The following ATP6V1A variants were observed in gnomAD, a reference collection of about 807,000 sequenced individuals.
ATP6V1A encodes the protein ATPase H+ transporting V1 subunit A.
In ATP6V1A, 18 loss-of-function variants were observed where a neutral mutation model predicts 70.1. The ratio of observed to expected loss-of-function variants is 0.26; its 90% CI spans 0.18 to 0.38. ATP6V1A has a LOEUF of 0.38. Ranked by LOEUF, ATP6V1A falls within the 10% of genes least tolerant of loss-of-function variation. ATP6V1A has a pLI of 1.00. For synonymous variants in ATP6V1A, 232 were observed against 253.8 expected, an observed-to-expected ratio of 0.91 and a Z score of 0.82; for missense variants, 424 against 772.4, an observed-to-expected ratio of 0.55 and a Z score of 5.35.
chr3:113,773,402 G>A (rs1708873774), intron 1 of ATP6V1A, among the ~76,000 whole-genome samples: 1 of 152,128 alleles, frequency 6.6e-6, no homozygotes, highest in Non-Finnish European at 1.5e-5. Flanking sequence ...ACTTCCTAAA[G>A]TGTGCCGTCT....
intron 6 of ATP6V1A, among the ~76,000 whole-genome samples, chr3:113,788,458 C>T (rs1289901271): frequency 6.6e-6 from 1 of 151,912 alleles, no homozygotes; most frequent in African/African-American, 2.4e-5. Flanking sequence ...TCCCAGCCTC[C>T]AGAGTAGCTG....
chr3:113,748,970 C>T (rs1305893324), intron 1 of ATP6V1A, among the ~76,000 whole-genome samples: 1 of 152,102 alleles, frequency 6.6e-6, no homozygotes, highest in Non-Finnish European at 1.5e-5. Context: ...GGTGACATTG[C>T]ACCACGTAAG....
At chr3:113,789,675 A>T (rs1350357026) in intron 7 of ATP6V1A, 57 bp from the exon 8 acceptor site, 36 of 1,297,122 alleles carry the variant, frequency 2.8e-5, no homozygotes, top group Non-Finnish European at 3.9e-5. Context: ...AAAAATAGGG[A>T]GGGCTAAAAT....
intron 3 of ATP6V1A, 105 bp from the exon 4 acceptor site, chr3:113,784,119 T>G: frequency 9.1e-7 from 1 of 1,102,988 alleles, no homozygotes; most frequent in Admixed American, 2.3e-5. Context: ...TTTGGGAACT[T>G]CCGTTTTCAC....
At chr3:113,758,129 G>T (rs937339449) in intron 1 of ATP6V1A, among the ~76,000 whole-genome samples, 2 of 152,130 alleles carry the variant, frequency 1.3e-5, no homozygotes, top group Admixed American at 1.3e-4. Context: ...TGGCGATAGA[G>T]TGAGACTCTG....
At chr3:113,772,785 G>A (rs1472706937) in intron 1 of ATP6V1A, among the ~76,000 whole-genome samples, 5 of 151,546 alleles carry the variant, frequency 3.3e-5, no homozygotes, top group South Asian at 2.1e-4. Flanking sequence ...TTTAAAACTC[G>A]TGTTTTCATA....
chr3:113,754,059 G>C (rs1708620124), intron 1 of ATP6V1A, among the ~76,000 whole-genome samples: 1 of 152,164 alleles, frequency 6.6e-6, no homozygotes, highest in African/African-American at 2.4e-5. Context: ...AGCAGAAAAG[G>C]AAAGAGACAG....
At chr3:113,798,474 G>T in intron 12 of ATP6V1A, 28 bp downstream of exon 12, 1 of 1,610,598 alleles carries the variant, frequency 6.2e-7, no homozygotes, top group South Asian at 1.1e-5. Flanking sequence ...ATGGAAGATA[G>T]ATCTGTGGGT....
At chr3:113,757,645 TTAAG>T (rs1379486194) in intron 1 of ATP6V1A, among the ~76,000 whole-genome samples, 2 of 152,204 alleles carry the variant, frequency 1.3e-5, no homozygotes, top group African/African-American at 4.8e-5. Flanking sequence ...TCCTGAGCTA[TTAAG>T]TGACTGTGGA....
intron 14 of ATP6V1A, among the ~76,000 whole-genome samples, chr3:113,809,116 G>A (rs1031565664): frequency 1.3e-5 from 2 of 151,930 alleles, no homozygotes; most frequent in Non-Finnish European, 2.9e-5. Context: ...TTAGCTGGGC[G>A]TGATGGTGGG....
At chr3:113,783,758 A>G (rs1029636588) in intron 3 of ATP6V1A, among the ~76,000 whole-genome samples, 3 of 152,220 alleles carry the variant, frequency 2.0e-5, no homozygotes, top group African/African-American at 7.2e-5. Flanking sequence ...ATGATGTCAT[A>G]TCTTTGCAAA....
chr3:113,805,539 CT>C lies in ATP6V1A; in HGVS notation c.1761+15del. 1.3e-6 allele frequency: 2 copies of C among 1,583,928 alleles called. No homozygotes were observed. The highest frequency in any genetic ancestry group is 1.7e-6 in the Non-Finnish European group (2 of 1,165,528). Reference sequence around the variant, plus strand: ...ATGAAATTCAAGGTATATTTTGTTTCTGCTGTAACTTTTTTTATTTGGAAAT... The same window carrying C: ...ATGAAATTCAAGGTATATTTTGTTTCGCTGTAACTTTTTTTATTTGGAAAT... On this transcript the variant is annotated intron_variant, in intron 14 of 14. Coordinates refer to ENST00000273398, the MANE Select transcript of ATP6V1A (RefSeq NM_001690.4).
At chr3:113,804,338 T>C (rs1709251945) in intron 13 of ATP6V1A, among the ~76,000 whole-genome samples, 2 of 152,118 alleles carry the variant, frequency 1.3e-5, no homozygotes, top group Non-Finnish European at 2.9e-5. Context: ...CCTAAATAAT[T>C]AATAGTTCTG....
intron 8 of ATP6V1A, among the ~76,000 whole-genome samples, chr3:113,790,361 A>G (rs899712769): frequency 5.9e-5 from 9 of 151,992 alleles, no homozygotes; most frequent in Admixed American, 1.3e-4. Flanking sequence ...AAGTGAATGT[A>G]AGACATTTAT....
intron 3 of ATP6V1A, among the ~76,000 whole-genome samples, chr3:113,782,387 T>C (rs545056291): frequency 1.4e-4 from 21 of 151,966 alleles, no homozygotes; most frequent in Middle Eastern, 3.4e-3. Flanking sequence ...TGTTGTCTTG[T>C]ATCTAGCCGT....
At chr3:113,782,132 C>G (rs73228428) in intron 3 of ATP6V1A, among the ~76,000 whole-genome samples, 10 of 152,246 alleles carry the variant, frequency 6.6e-5, no homozygotes, top group Non-Finnish European at 1.5e-4. Context: ...TTTGGTACGA[C>G]GTTTTTGCCA....
intron 5 of ATP6V1A, among the ~76,000 whole-genome samples, chr3:113,785,426 C>T (rs1019905976): frequency 3.3e-5 from 5 of 150,622 alleles, no homozygotes; most frequent in African/African-American, 9.8e-5. Context: ...GGTGACAGAG[C>T]GAGACTCCAT....
intron 8 of ATP6V1A, among the ~76,000 whole-genome samples, chr3:113,792,741 G>T (rs1709109395): frequency 6.6e-6 from 1 of 152,164 alleles, no homozygotes; most frequent in Admixed American, 6.5e-5. Flanking sequence ...GCTAACTGTG[G>T]ACAAGAGTTT....
At chr3:113,786,714 A>G (rs1709043521) in intron 6 of ATP6V1A, among the ~76,000 whole-genome samples, 1 of 150,508 alleles carries the variant, frequency 6.6e-6, no homozygotes, top group Non-Finnish European at 1.5e-5. Flanking sequence ...TTTTCTGGAA[A>G]AATTAAATTT....
Sources: allele counts gnomAD v4.1 joint callset (sites outside exome capture counted in the v4.1 genomes callset), GRCh38; gene constraint gnomAD v4.1.1; transcripts MANE v1.5; gene names NCBI Gene and HGNC (gene_info 2026-07-23, HGNC 2026-07-21).